The following VPS9D1 variants were observed in gnomAD, a reference collection of about 807,000 sequenced individuals.
The protein encoded by VPS9D1 is VPS9 domain containing 1.
VPS9D1 carries 78 observed loss-of-function variants against 75.8 expected under a neutral mutation model. That is an observed-to-expected ratio of 1.03 (90% CI 0.86 to 1.24). The LOEUF is 1.24. VPS9D1 is among the 50% of genes most tolerant of loss of function. The probability of loss-of-function intolerance (pLI) is 0.00; values close to 1 mark genes in which losing one functional copy is unlikely to be tolerated. For missense variants in VPS9D1, 1,057 were observed against 847.7 expected (o/e 1.25, Z -3.07); for synonymous variants, 481 against 385.6 (o/e 1.25, Z -2.90).
chr16:89,708,016 C>T lies in VPS9D1; in HGVS notation c.1803-62G>A, dbSNP rs1248932100. 2.0e-6 allele frequency: 3 copies of T among 1,523,132 alleles called. No individual in the cohort carries two copies. The East Asian group carries it at 6.8e-5, about 35-fold the overall frequency. The allele number at this position is 1,523,132 out of a possible 1,614,324, so 94.4% of individuals were successfully genotyped here. A position where few individuals can be genotyped will look rare whatever the true frequency, so the allele number is the denominator to read the frequency against. On this transcript the variant is annotated intron_variant, in intron 14 of 14. Coordinates refer to ENST00000389386, the MANE Select transcript of VPS9D1 (RefSeq NM_004913.3). The stretch of plus-strand genomic sequence containing the variant: ...CGAACAGAAGGATACCCCCGGCCCT[C>T]CAGAAGGTAGTGTCTGCCCTCCCAG...
rs117906686 is a variant in VPS9D1, at chr16:89,708,539, G to T, written c.1698-8C>A. 3.7e-6 allele frequency: 6 copies of T among 1,611,550 alleles called. No individual in the cohort carries two copies. The highest frequency in any genetic ancestry group is 5.1e-6 in the Non-Finnish European group (6 of 1,179,284). On this transcript the variant is annotated splice_region_variant and splice_polypyrimidine_tract_variant and intron_variant, in intron 13 of 14. Coordinates refer to ENST00000389386, the MANE Select transcript of VPS9D1 (RefSeq NM_004913.3). ...AGCAGGTCATCGGCACCACTGTCGG[G>T]AGGGCATAGCGGCCTTGGGTTGGGG...
rs201649648 is a variant in VPS9D1 at position 89,711,390 on chromosome 16, G to C, written c.770C>G (p.Ala257Gly). The C allele has an allele frequency of 6.6e-5, 106 of 1,609,720 alleles. No individual in the cohort carries two copies. Among genetic ancestry groups the C allele is most frequent in the Admixed American group, 2.5e-4 (15 of 59,530 alleles). The change falls in exon 9 of 15, where the codon GCC (alanine) becomes GGC (glycine). Residue 257 changes from alanine to glycine, a missense_variant. Physicochemically the swap from Ala to Gly is moderately conservative, Grantham distance 60. Coordinates refer to ENST00000389386, the MANE Select transcript of VPS9D1 (RefSeq NM_004913.3). ...QDHDWPKHWKAKLKRNPGDLS... is the reference protein window; with the variant it reads ...QDHDWPKHWKGKLKRNPGDLS... ...GTCCCCCGGATTCCTCTTGAGCTTG[G>C]CCTTCCAGTGCTTCGGCCAGTCCTA...
In VPS9D1 at chr16:89,716,466, T is replaced by A. The variant is rs1315392874; in HGVS notation, c.427A>T (p.Lys143Ter). 2.5e-6 allele frequency: 4 copies of A among 1,613,902 alleles called. No individual in the cohort carries two copies. The highest frequency in any genetic ancestry group is 2.2e-5 in the East Asian group (1 of 44,894). ...KLQGAESQSC[K>*]KELTPLEEAS... is the part of the protein sequence containing the mutation. Reference sequence around the variant, plus strand: ...CTCCCATCTTGTCCATCTTACTTCTTACAGCTTTGTGACTCTGCCCCCTGA... The same window carrying A: ...CTCCCATCTTGTCCATCTTACTTCTAACAGCTTTGTGACTCTGCCCCCTGA... Residue 143 changes from lysine to a stop codon, truncating the protein, a stop_gained, in exon 4 of 15, where the codon AAG becomes TAG. Coordinates refer to ENST00000389386, the MANE Select transcript of VPS9D1 (RefSeq NM_004913.3). LOFTEE classifies it high-confidence loss of function.
chr16:89,720,816 C>G lies in VPS9D1; in HGVS notation c.46G>C (p.Ala16Pro), dbSNP rs868830569. The change falls in exon 1 of 15, where the codon GCC becomes CCC. Residue 16 changes from alanine to proline, a missense_variant. Transcript: ENST00000389386. ...GDGTVKPLQS[A>P]MKLANGAIEL... The stretch of plus-strand genomic sequence containing the variant: ...ATGGCCCCGTTGGCAAGCTTCATGG[C>G]GCTCTGCAGCGGCTTCACCGTGCCG... 6 of 1,455,448 alleles carry G rather than the reference C, an allele frequency of 4.1e-6. No homozygotes were observed. Among genetic ancestry groups the G allele is most frequent in the Non-Finnish European group, 5.5e-6 (6 of 1,100,258 alleles). 90.2% of individuals were successfully genotyped at this position (1,455,448 alleles called of 1,614,324 possible).
chr16:89,709,721 G>A, intron 11 of VPS9D1, 56 bp downstream of exon 11: 2 of 1,610,962 alleles, frequency 1.2e-6, no homozygotes, highest in Non-Finnish European at 1.7e-6. Context: ...GGCCTCCTGG[G>A]GGACTGGGCT....
intron 4 of VPS9D1, among the ~76,000 whole-genome samples, chr16:89,715,666 G>A (rs1302158828): frequency 6.6e-6 from 1 of 151,424 alleles, no homozygotes; most frequent in African/African-American, 2.4e-5. Flanking sequence ...GGACTACAGG[G>A]GCACACCACT....
intron 4 of VPS9D1, among the ~76,000 whole-genome samples, chr16:89,714,277 G>A (rs911685762): frequency 9.2e-5 from 14 of 152,072 alleles, no homozygotes; most frequent in Middle Eastern, 3.4e-3. Context: ...TGTTGTTAGT[G>A]TTAGCGTATT....
In VPS9D1 at chr16:89,716,035, C is replaced by T. The variant is rs575044661; in HGVS notation, c.431+427G>A. Among the ~76,000 whole-genome samples, 7 of 151,104 alleles carry T rather than the reference C, an allele frequency of 4.6e-5. 1 individual carries two copies. In the East Asian group the frequency reaches 1.4e-3, roughly 31 times the overall value. ...TTCTGGGACTCATTTTAAAAACATT[C>T]GCTGTCAGGCCAGGCGCAGTGGCTC... is the stretch of plus-strand genomic sequence containing the variant. On this transcript the variant is annotated intron_variant, in intron 4 of 14. Coordinates refer to ENST00000389386, the MANE Select transcript of VPS9D1 (RefSeq NM_004913.3).
At chr16:89,711,726 C>A in intron 8 of VPS9D1, 156 bp downstream of exon 8, 1 of 950,788 alleles carries the variant, frequency 1.1e-6, no homozygotes, top group South Asian at 1.7e-5. Context: ...CTGGCCCCGC[C>A]CCCTCACCGG....
intron 1 of VPS9D1, 138 bp from the exon 2 acceptor site, chr16:89,719,240 C>T (rs769041280): frequency 1.2e-6 from 1 of 832,596 alleles, no homozygotes; most frequent in Non-Finnish European, 2.0e-6. Context: ...AGACATTGAG[C>T]CTGCGGTGGT....
At chr16:89,711,151 C>T (rs2060908430) in intron 9 of VPS9D1, 141 bp from the exon 10 acceptor site, 1 of 1,202,688 alleles carries the variant, frequency 8.3e-7, no homozygotes, top group East Asian at 2.6e-5. Flanking sequence ...CCCCCGCCCC[C>T]GCTGGGGAGG....
rs1357485594 is a variant in VPS9D1 at position 89,710,936 on chromosome 16, A to C, written c.908T>G (p.Val303Gly). 6.8e-7 allele frequency: 1 copy of C among 1,480,118 alleles called. No homozygotes were observed. Among genetic ancestry groups the C allele is most frequent in the Non-Finnish European group, 8.9e-7 (1 of 1,120,712 alleles). 91.7% of individuals were successfully genotyped at this position (1,480,118 alleles called of 1,614,324 possible). The change falls in exon 10 of 15, where the codon GTG (valine) becomes GGG (glycine). Residue 303 changes from valine to glycine, a missense_variant. Val to Gly is a moderately radical substitution (Grantham distance 109). Coordinates refer to ENST00000389386, the MANE Select transcript of VPS9D1 (RefSeq NM_004913.3). ...CSVYSALYPAVSRAAAPAPGC... is the reference protein window; with the variant it reads ...CSVYSALYPAGSRAAAPAPGC... ...TGGGGCTGGCGCGGCTGCTCTGCTC[A>C]CGGCGGGATACAGGGCGCTGTACAC...
intron 2 of VPS9D1, chr16:89,717,842 A>T (rs1368634156): frequency 2.2e-6 from 1 of 456,216 alleles, no homozygotes; most frequent in Non-Finnish European, 4.4e-6. Flanking sequence ...GACCTGTGTG[A>T]TCCTACGTCC....
Position 89,708,944 on chromosome 16 carries a change from C to A in VPS9D1, c.1610G>T (p.Arg537Leu), listed in dbSNP as rs374177055. Residue 537 changes from arginine to leucine, a missense_variant, in exon 13 of 15, where the codon CGG (arginine) becomes CTG (leucine). By Grantham distance (102) the Arg-to-Leu change is moderately radical. Transcript: ENST00000389386. ...KKLECIVRTL[R>L]IICVCAEDYC... ...GTCTTCCGCACAGACACAGATGATC[C>A]GCAGGGTCCGCACTGCGCCCCAGAC... is the stretch of plus-strand genomic sequence containing the variant. The A allele has an allele frequency of 2.2e-4, 345 of 1,602,246 alleles. No individual in the cohort carries two copies. Among genetic ancestry groups the A allele is most frequent in the South Asian group, 4.0e-4 (36 of 89,196 alleles).
At chr16:89,712,386 C>A (rs2060953089) in intron 6 of VPS9D1, 74 bp downstream of exon 6, 2 of 1,595,980 alleles carry the variant, frequency 1.3e-6, no homozygotes, top group South Asian at 2.2e-5. Context: ...CCCTCGCTGC[C>A]CCCTTCTCTG....
chr16:89,713,261 CTTTTTTTT>C (rs1008302564), intron 4 of VPS9D1, among the ~76,000 whole-genome samples: 2 of 146,654 alleles, frequency 1.4e-5, no homozygotes, highest in South Asian at 4.3e-4. Context: ...TTCTTTTTTT[CTTTTTTTT>C]TTTGAGACGG....
intron 6 of VPS9D1, 149 bp downstream of exon 6, chr16:89,712,311 G>A: frequency 1.5e-6 from 2 of 1,362,462 alleles, no homozygotes; most frequent in Non-Finnish European, 2.0e-6. Flanking sequence ...GCCTTCCCCT[G>A]AGACCCTGCC....
At chr16:89,713,416 G>A (rs556963785) in intron 4 of VPS9D1, among the ~76,000 whole-genome samples, 66 of 151,592 alleles carry the variant, frequency 4.4e-4, no homozygotes, top group African/African-American at 1.4e-3. Flanking sequence ...CACTATGCCC[G>A]GCTAATTTTT....
intron 4 of VPS9D1, among the ~76,000 whole-genome samples, chr16:89,714,022 C>T (rs975436492): frequency 1.3e-5 from 2 of 152,044 alleles, no homozygotes; most frequent in Non-Finnish European, 2.9e-5. Context: ...CTGCAACCTC[C>T]GCCTCCTGGG....
Sources: allele counts gnomAD v4.1 joint callset (sites outside exome capture counted in the v4.1 genomes callset), GRCh38; gene constraint gnomAD v4.1.1; transcripts MANE v1.5; gene names NCBI Gene and HGNC (gene_info 2026-07-23, HGNC 2026-07-21).